PLXNA4: variants seen among roughly 807,000 people sequenced by gnomAD.
PLXNA4 encodes the protein plexin-A4.
In PLXNA4, 44 loss-of-function variants were observed where a neutral mutation model predicts 191.8. The ratio of observed to expected loss-of-function variants is 0.23; its 90% CI spans 0.18 to 0.29. PLXNA4 has a LOEUF of 0.29. Among genes scored for constraint, PLXNA4 ranks in the 10% least tolerant of loss-of-function variants. The pLI, the probability that PLXNA4 is intolerant of heterozygous loss-of-function variation, is 1.00. For missense variants in PLXNA4, 1,800 were observed against 2,488.8 expected (o/e 0.72, Z 5.89); for synonymous variants, 1,082 against 1,009.5 (o/e 1.07, Z -1.36).
In PLXNA4 at chr7:132,144,515, C is replaced by T. The variant is rs565924941; in HGVS notation, c.5225+604G>A. 1.1e-4 allele frequency among the ~76,000 whole-genome samples: 17 copies of T among 152,330 alleles called. No homozygotes were observed. In the South Asian group the frequency reaches 3.3e-3, roughly 30 times the overall value. Reference sequence around the variant, plus strand: ...GGGCAGGTCTCTTCACCACACAGAGCTTGGAAAAGAGAAGAGAGCAATTGC... The same window carrying T: ...GGGCAGGTCTCTTCACCACACAGAGTTTGGAAAAGAGAAGAGAGCAATTGC... On this transcript the variant is annotated intron_variant, in intron 29 of 31. Transcript: ENST00000321063.
chr7:132,560,480 C>T (rs776843100), intron 1 of PLXNA4, among the ~76,000 whole-genome samples: 1 of 152,134 alleles, frequency 6.6e-6, no homozygotes, highest in Non-Finnish European at 1.5e-5. Flanking sequence ...GATCTTCTTG[C>T]TTCTTTGTCA....
chr7:132,305,341 A>G (rs1449449305), intron 3 of PLXNA4, among the ~76,000 whole-genome samples: 3 of 149,058 alleles, frequency 2.0e-5, no homozygotes, highest in Non-Finnish European at 4.4e-5. Context: ...ACTACTCCAC[A>G]CTACATGCAG....
intron 3 of PLXNA4, among the ~76,000 whole-genome samples, chr7:132,422,330 A>G (rs183131365): frequency 6.6e-6 from 1 of 152,330 alleles, no homozygotes; most frequent in East Asian, 1.9e-4. Context: ...TTTGGGATCT[A>G]CTGGGTCCCT....
In PLXNA4 at chr7:132,391,388, G is replaced by A. The variant is rs376969797; in HGVS notation, c.1372-93166C>T. Among the ~76,000 whole-genome samples, 440 of 152,330 alleles carry A rather than the reference G, an allele frequency of 2.9e-3. 2 individuals are homozygous for A. Among genetic ancestry groups the A allele is most frequent in the African/African-American group, 0.01 (418 of 41,568 alleles). On this transcript the variant is annotated intron_variant, in intron 3 of 31. Coordinates refer to ENST00000321063, the MANE Select transcript of PLXNA4 (RefSeq NM_020911.2). ...TCCTTGCATTTGTCTTCTGTTACTGGGGACAGCTTGTGCTGATATGTTCTA... is the reference window on the plus strand; with the variant it reads ...TCCTTGCATTTGTCTTCTGTTACTGAGGACAGCTTGTGCTGATATGTTCTA...
chr7:132,403,649 C>T (rs1316542306), intron 3 of PLXNA4, among the ~76,000 whole-genome samples: 1 of 152,142 alleles, frequency 6.6e-6, no homozygotes, highest in South Asian at 2.1e-4. Context: ...CCTCCACTCT[C>T]TCTCTCCAAC....
intron 3 of PLXNA4, among the ~76,000 whole-genome samples, chr7:132,438,287 A>G (rs1356663892): frequency 5.9e-5 from 9 of 152,034 alleles, no homozygotes; most frequent in Non-Finnish European, 8.8e-5. Context: ...GTAAGTAACT[A>G]TCATAGGGTT....
At chr7:132,413,558 A>T (rs1410994699) in intron 3 of PLXNA4, among the ~76,000 whole-genome samples, 1 of 150,536 alleles carries the variant, frequency 6.6e-6, no homozygotes, top group African/African-American at 2.4e-5. Flanking sequence ...CCTAAACCCA[A>T]CTCAGAGCAA....
chr7:132,471,186 G>A (rs1407782808), intron 3 of PLXNA4, among the ~76,000 whole-genome samples: 6 of 152,104 alleles, frequency 3.9e-5, no homozygotes, highest in South Asian at 2.1e-4. Flanking sequence ...GCCTGCTCTC[G>A]ATTCGCCTTC....
intron 3 of PLXNA4, among the ~76,000 whole-genome samples, chr7:132,443,869 T>A (rs1400909466): frequency 6.6e-6 from 1 of 152,210 alleles, no homozygotes; most frequent in Non-Finnish European, 1.5e-5. Flanking sequence ...CCAAGCAACA[T>A]AATAATAGAC....
At chr7:132,176,852 ATGTC>A (rs774238334) in intron 20 of PLXNA4, among the ~76,000 whole-genome samples, 47 of 150,904 alleles carry the variant, frequency 3.1e-4, no homozygotes, top group African/African-American at 8.3e-4. Flanking sequence ...GTGCATGTGT[ATGTC>A]TGTGTGTATG....
intron 4 of PLXNA4, among the ~76,000 whole-genome samples, chr7:132,259,459 AAAAAAAAAAAAAAAG>A (rs1799550625): frequency 7.2e-6 from 1 of 138,664 alleles, no homozygotes; most frequent in Non-Finnish European, 1.6e-5. Flanking sequence ...AAAAAAAAAA[AAAAAAAAAAAAAAAG>A]AAAAAAGGAA....
intron 4 of PLXNA4, among the ~76,000 whole-genome samples, chr7:132,274,453 C>T (rs1169692358): frequency 1.3e-5 from 2 of 152,086 alleles, no homozygotes; most frequent in Non-Finnish European, 2.9e-5. Context: ...AACACTGGTA[C>T]AATACCACGA....
intron 1 of PLXNA4, among the ~76,000 whole-genome samples, chr7:132,547,988 G>A (rs536476394): frequency 6.6e-6 from 1 of 152,276 alleles, no homozygotes; most frequent in Admixed American, 6.5e-5. Context: ...GTCTGAACAC[G>A]AGTAGATCTA....
rs191632472 is a variant in PLXNA4, at chr7:132,614,493, C to G, written c.-87+31435G>C. Among the ~76,000 whole-genome samples, 836 of 152,284 alleles carry G rather than the reference C, an allele frequency of 5.5e-3. 7 individuals are homozygous for G. Among genetic ancestry groups the G allele is most frequent in the Middle Eastern group, 0.041 (12 of 294 alleles). ...CAAGCGTATTTAATATTGTTTTCAGCACGTAAGTTGATGGAAATAAAGCTC... is the reference window on the plus strand; with the variant it reads ...CAAGCGTATTTAATATTGTTTTCAGGACGTAAGTTGATGGAAATAAAGCTC... On this transcript the variant is annotated intron_variant, in intron 2 of 4. Transcript: ENST00000378539.
intron 3 of PLXNA4, among the ~76,000 whole-genome samples, chr7:132,365,364 T>TGCGCAC (rs1554424585): frequency 2.7e-5 from 4 of 147,214 alleles, no homozygotes; most frequent in African/African-American, 7.6e-5. Flanking sequence ...TGTGTGTGCG[T>TGCGCAC]GCGCGCGCAT....
chr7:132,424,873 G>A (rs563717410), intron 3 of PLXNA4, among the ~76,000 whole-genome samples: 5 of 152,200 alleles, frequency 3.3e-5, no homozygotes, highest in South Asian at 4.1e-4. Flanking sequence ...TGCTAGAGCC[G>A]AGTCCTGACC....
chr7:132,190,144 C>G (rs1242605440), intron 14 of PLXNA4, among the ~76,000 whole-genome samples: 4 of 152,222 alleles, frequency 2.6e-5, no homozygotes, highest in African/African-American at 9.7e-5. Flanking sequence ...TGCACTAGAC[C>G]TTATGCTGGG....
In PLXNA4 at chr7:132,185,317, G is replaced by A; in HGVS notation, c.3140C>T (p.Pro1047Leu). Reference sequence around the variant, plus strand: ...CTCCTACCTGACAATGCTCCATTCTGGCTCAATCCGCACGATGGTGGGGTC... The same window carrying A: ...CTCCTACCTGACAATGCTCCATTCTAGCTCAATCCGCACGATGGTGGGGTC... The part of the protein sequence containing the change: ...VEDPTIVRIE[P>L]EWSIVSGNTP... Residue 1047 changes from proline to leucine, a missense_variant, in exon 16 of 32, where the codon CCA becomes CTA. By Grantham distance (98) the Pro-to-Leu change is moderately conservative. Around this residue, in one of 6 missense-constraint regions of PLXNA4, gnomAD observed 1,397 missense variants for 1,880.4 expected, o/e 0.74. Coordinates refer to ENST00000321063, the MANE Select transcript of PLXNA4 (RefSeq NM_020911.2). 1 of 1,613,506 alleles carries A rather than the reference G, an allele frequency of 6.2e-7. No homozygotes were observed. Among genetic ancestry groups the A allele is most frequent in the Non-Finnish European group, 8.5e-7 (1 of 1,179,758 alleles).
upstream of PLXNA4, among the ~76,000 whole-genome samples, chr7:132,579,963 A>G (rs116710872): frequency 4.5e-3 from 684 of 152,142 alleles, 3 homozygotes; most frequent in African/African-American, 0.016. Context: ...GGGCCTCTAC[A>G]TTGGAAGTTA....
Sources: gnomAD v4.1 joint callset for allele counts (sites outside exome capture counted in the v4.1 genomes callset) on GRCh38, gnomAD v4.1.1 for gene constraint, gnomAD v4.1.1 regional missense constraint, MANE v1.5 for transcripts, NCBI Gene and HGNC (gene_info 2026-07-23, HGNC 2026-07-21) for gene names.